HPSE: variants seen among roughly 807,000 people sequenced by gnomAD.
HPSE encodes the protein endo-glucoronidase.
Under a neutral mutation model 65.1 loss-of-function variants are expected in HPSE, and 48 were observed. The ratio of observed to expected loss-of-function variants is 0.74; its 90% CI spans 0.58 to 0.94. The LOEUF (loss-of-function observed/expected upper bound fraction) is 0.94, where lower values mean the gene tolerates loss of function less well. HPSE is among the 40% of genes least tolerant of loss of function. HPSE has a pLI of 0.00. For synonymous variants in HPSE, 243 were observed against 260.0 expected (o/e 0.93, Z 0.63); for missense variants, 644 against 637.5 (o/e 1.01, Z -0.11).
chr4:83,322,927 A>C (rs534692943), intron 1 of HPSE, among the ~76,000 whole-genome samples: 18 of 151,668 alleles, frequency 1.2e-4, no homozygotes, highest in African/African-American at 3.1e-4. Flanking sequence ...CAGCCTCCCA[A>C]AATGCTGAGA....
chr4:83,314,036 T>G lies in HPSE; in HGVS notation c.500-749A>C, dbSNP rs545210498. Among the ~76,000 whole-genome samples, 7 of 152,232 alleles carry G rather than the reference T, an allele frequency of 4.6e-5. No homozygotes were observed. The South Asian group carries it at 1.4e-3, about 32-fold the overall frequency. On this transcript the variant is annotated intron_variant, in intron 3 of 11. Coordinates refer to ENST00000311412, the MANE Select transcript of HPSE (RefSeq NM_001098540.3). ...GGGAGGCCGAGGCGGGCGGATCACTTGAGCCCAGGAGTTCAAGACCAGCCT... is the reference window on the plus strand; with the variant it reads ...GGGAGGCCGAGGCGGGCGGATCACTGGAGCCCAGGAGTTCAAGACCAGCCT...
chr4:83,329,390 C>A (rs1321699304), intron 1 of HPSE, among the ~76,000 whole-genome samples: 1 of 151,966 alleles, frequency 6.6e-6, no homozygotes, highest in Non-Finnish European at 1.5e-5. Flanking sequence ...GCAGGAAGAA[C>A]AATGGAACAG....
intron 11 of HPSE, among the ~76,000 whole-genome samples, chr4:83,300,220 A>G (rs1735888622): frequency 6.6e-6 from 1 of 152,208 alleles, no homozygotes; most frequent in Non-Finnish European, 1.5e-5. Context: ...AGTATACTCT[A>G]GCTATTCTTT....
At chr4:83,312,841 CAAAAAAAAAAAAA>C (rs1200808673) in intron 4 of HPSE, among the ~76,000 whole-genome samples, 8 of 10,990 alleles carry the variant, frequency 7.3e-4, no homozygotes, top group East Asian at 3.1e-3. Flanking sequence ...ACTAAAAATG[CAAAAAAAAAAAAA>C]AAAAAAAAAA....
chr4:83,312,087 T>C (rs1053304182), intron 4 of HPSE, among the ~76,000 whole-genome samples: 1 of 152,062 alleles, frequency 6.6e-6, no homozygotes, highest in Non-Finnish European at 1.5e-5. Context: ...ACTGACACAT[T>C]TGAGAAAATG....
Position 83,313,190 on chromosome 4 carries a change from C to CTTAATAA in HPSE, c.596_597insTTATTAA (p.Trp199CysfsTer3), listed in dbSNP as rs1183484175. 3.7e-6 allele frequency: 6 copies of CTTAATAA among 1,613,796 alleles called. No homozygotes were observed. The highest frequency in any genetic ancestry group is 5.1e-6 in the Non-Finnish European group (6 of 1,179,844). Reference sequence around the variant, plus strand: ...GGAGCAACTGAGCATTAGAACTGTTCCACTGCAAATCTGCTGTTCTTAATA... The same window carrying CTTAATAA: ...GGAGCAACTGAGCATTAGAACTGTTCTTAATAACACTGCAAATCTGCTGTTCTTAATA... On this transcript the variant is annotated stop_gained and frameshift_variant, in exon 4 of 12. Transcript: ENST00000311412. LOFTEE classifies it high-confidence loss of function.
chr4:83,312,570 C>A (rs112372975), intron 4 of HPSE, among the ~76,000 whole-genome samples: 1 of 146,612 alleles, frequency 6.8e-6, no homozygotes, highest in Admixed American at 6.9e-5. Context: ...CCCAGCTACT[C>A]GGGAGGCTGA....
intron 9 of HPSE, among the ~76,000 whole-genome samples, chr4:83,302,636 C>A (rs1322672481): frequency 6.6e-6 from 1 of 152,182 alleles, no homozygotes; most frequent in African/African-American, 2.4e-5. Context: ...CATGTACACA[C>A]AAAGACAAAT....
intron 3 of HPSE, among the ~76,000 whole-genome samples, chr4:83,314,284 A>AC (rs2126190251): frequency 6.6e-6 from 1 of 151,066 alleles, no homozygotes; most frequent in African/African-American, 2.4e-5. Flanking sequence ...AAACAAACAA[A>AC]AAAAAAAGTA....
In HPSE at chr4:83,326,432, A is replaced by G. The variant is rs1737159241; in HGVS notation, c.228-4068T>C. On this transcript the variant is annotated intron_variant, in intron 1 of 11. Coordinates refer to ENST00000311412, the MANE Select transcript of HPSE (RefSeq NM_001098540.3). The surrounding 1 kb of genome is among the most constrained non-coding windows in gnomAD (Gnocchi z 4.2). ...CTGGGAAGCTCCTTGGAAGATGGTAATATCATTTGCTGGATGAGGAACAGG... is the reference window on the plus strand; with the variant it reads ...CTGGGAAGCTCCTTGGAAGATGGTAGTATCATTTGCTGGATGAGGAACAGG... Among the ~76,000 whole-genome samples the G allele has an allele frequency of 6.6e-6, 1 of 152,158 alleles. No individual in the cohort carries two copies. The highest frequency in any genetic ancestry group is 1.9e-4 in the East Asian group (1 of 5,180).
intron 1 of HPSE, among the ~76,000 whole-genome samples, chr4:83,334,236 A>G (rs1447681763): frequency 6.6e-6 from 1 of 152,318 alleles, no homozygotes; most frequent in Middle Eastern, 3.4e-3. Context: ...GAAATTACCT[A>G]TTAGATACAA....
intron 3 of HPSE, among the ~76,000 whole-genome samples, chr4:83,313,548 T>A (rs1454311100): frequency 6.6e-6 from 1 of 152,164 alleles, no homozygotes; most frequent in Non-Finnish European, 1.5e-5. Context: ...TTTGTTCAAG[T>A]GACATCAGGA....
chr4:83,313,037 A>AC, intron 4 of HPSE, 77 bp downstream of exon 4: 10 of 822,018 alleles, frequency 1.2e-5, no homozygotes, highest in Non-Finnish European at 1.8e-5. Context: ...AAAAAAAAAA[A>AC]AAAAGAAAAA....
In HPSE at chr4:83,295,195, T is replaced by C; in HGVS notation, c.*149A>G. 1 of 522,294 alleles carries C rather than the reference T, an allele frequency of 1.9e-6. No homozygotes were observed. Among genetic ancestry groups the C allele is most frequent in the South Asian group, 3.7e-5 (1 of 27,198 alleles). 32.4% of individuals were successfully genotyped at this position (522,294 alleles called of 1,614,324 possible). ...GTTCTACCTAGCGAGATCAAAATAC[T>C]GTGCTAAATCTAGCACTGACAGTGT... is the stretch of plus-strand genomic sequence containing the variant. On this transcript the variant is annotated 3_prime_UTR_variant, in exon 12 of 12. Transcript: ENST00000311412.
At position 83,306,326 on chromosome 4, in the gene HPSE, G is replaced by A. The variant is rs755869634; in HGVS notation, c.1092-9C>T. The A allele has an allele frequency of 6.0e-6, 9 of 1,503,974 alleles. No individual in the cohort carries two copies. In the Admixed American group the frequency reaches 1.0e-4, roughly 17 times the overall value. The allele number at this position is 1,503,974 out of a possible 1,614,324, so 93.2% of individuals were successfully genotyped here. On this transcript the variant is annotated splice_polypyrimidine_tract_variant and intron_variant, in intron 8 of 11. Coordinates refer to ENST00000311412, the MANE Select transcript of HPSE (RefSeq NM_001098540.3). ...CCAATTTATCCAGCCACCTGGGACA[G>A]AGCAAGACCAAGCTTTCTTGAGGTT...
intron 1 of HPSE, among the ~76,000 whole-genome samples, chr4:83,324,110 CTTCTTTTTTTTTTTTT>C (rs1737034102): frequency 2.2e-5 from 2 of 92,348 alleles, no homozygotes; most frequent in African/African-American, 9.4e-5. Flanking sequence ...ACTTCTTCTT[CTTCTTTTTTTTTTTTT>C]TTTTTTTTTT....
At position 83,316,337 on chromosome 4, in the gene HPSE, T is replaced by TA. The variant is rs777780611; in HGVS notation, c.499+3006dup. Among the ~76,000 whole-genome samples the TA allele has an allele frequency of 8.0e-3, 400 of 50,054 alleles. 2 individuals are homozygous for TA. Among genetic ancestry groups the TA allele is most frequent in the South Asian group, 0.031 (39 of 1,242 alleles). 32.8% of individuals were successfully genotyped at this position (50,054 alleles called of 152,430 possible). A position where few individuals can be genotyped will look rare whatever the true frequency, so the allele number is the denominator to read the frequency against. On this transcript the variant is annotated intron_variant, in intron 3 of 11. Coordinates refer to ENST00000311412, the MANE Select transcript of HPSE (RefSeq NM_001098540.3). Reference sequence around the variant, plus strand: ...CCACCACGTCTGGCCACATCTACTTTAAAAAAAAAAAACAAAAAAAACAGA... The same window carrying TA: ...CCACCACGTCTGGCCACATCTACTTTAAAAAAAAAAAAACAAAAAAAACAGA...
Position 83,313,115 on chromosome 4 carries a change from A to G in HPSE, c.672T>C (p.Asn224=). Residue 224 remains asparagine, a splice_region_variant and synonymous_variant, in exon 4 of 12, where the codon AAT becomes AAC. Coordinates refer to ENST00000311412, the MANE Select transcript of HPSE (RefSeq NM_001098540.3). ...TGAATTGTTCCCTGGGGTACTCACC[A>G]TTGCCTAGTTCCCAAGAAATGTTAT... ...KGYNISWELG[N]EPNSFLKKAD... is the part of the protein sequence containing the mutation. The G allele has an allele frequency of 6.2e-7, 1 of 1,604,714 alleles. No homozygotes were observed. The highest frequency in any genetic ancestry group is 8.5e-7 in the Non-Finnish European group (1 of 1,172,236).
intron 10 of HPSE, 42 bp downstream of exon 10, chr4:83,302,106 CCA>C: frequency 7.8e-7 from 1 of 1,286,794 alleles, no homozygotes; most frequent in Non-Finnish European, 1.1e-6. Context: ...ACAGGCTTAC[CCA>C]CTAAAACTTG....
Sources: allele counts gnomAD v4.1 joint callset (sites outside exome capture counted in the v4.1 genomes callset), GRCh38; gene constraint gnomAD v4.1.1; non-coding constraint Gnocchi (gnomAD v3.1); transcripts MANE v1.5; gene names NCBI Gene and HGNC (gene_info 2026-07-23, HGNC 2026-07-21).